PRR5: variants seen among roughly 807,000 people sequenced by gnomAD.
PRR5 encodes proline rich 5.
PRR5 carries 25 observed loss-of-function variants against 30.6 expected under a neutral mutation model. The ratio of observed to expected loss-of-function variants is 0.82; its 90% CI spans 0.60 to 1.14. The LOEUF (loss-of-function observed/expected upper bound fraction) is 1.14. PRR5 is among the 50% of genes most tolerant of loss of function. PRR5 has a pLI of 0.00. For missense variants in PRR5, 600 were observed against 547.1 expected (o/e 1.10, Z -0.96); for synonymous variants, 286 against 247.1 (o/e 1.16, Z -1.48).
chr22:44,714,528 T>C (rs1928754197), intron 1 of PRR5, 63 bp from the exon 2 acceptor site: 3 of 1,597,586 alleles, frequency 1.9e-6, no homozygotes, highest in African/African-American at 1.3e-5. Flanking sequence ...GAATGGGGCC[T>C]GATGGGCAAC....
rs1260316807 is a variant in PRR5 at position 44,737,165 on chromosome 22, G to A, written c.1085G>A (p.Gly362Glu). The A allele has an allele frequency of 6.8e-6, 11 of 1,612,714 alleles. No homozygotes were observed. Among genetic ancestry groups the A allele is most frequent in the Non-Finnish European group, 9.3e-6 (11 of 1,179,964 alleles). The change falls in exon 8 of 8, where the codon GGG becomes GAG. Residue 362 changes from glycine to glutamate, a missense_variant. Coordinates refer to ENST00000336985, the MANE Select transcript of PRR5 (RefSeq NM_181333.4). ...ILESVDSDSE[G>E]IFIDFGRGRG... ...GAGTCCGTGGACTCGGATTCTGAAG[G>A]GATTTTCATTGACTTTGGCCGGGGC...
upstream of PRR5, among the ~76,000 whole-genome samples, chr22:44,673,885 T>A (rs563688900): frequency 5.9e-5 from 9 of 152,020 alleles, no homozygotes; most frequent in East Asian, 1.5e-3. Context: ...GAGAGAGGAG[T>A]AAAATGCTCA....
intron 1 of PRR5, among the ~76,000 whole-genome samples, chr22:44,707,757 A>C (rs1969492110): frequency 6.6e-6 from 1 of 152,134 alleles, no homozygotes; most frequent in Admixed American, 6.5e-5. Context: ...GAGCTCCCCA[A>C]GCCCCACCCC....
At chr22:44,703,053 T>C (rs1342723954) in intron 1 of PRR5, among the ~76,000 whole-genome samples, 1 of 152,108 alleles carries the variant, frequency 6.6e-6, no homozygotes, top group Admixed American at 6.5e-5. Flanking sequence ...CTCTTTAAGC[T>C]CCCTTCGGCT....
intron 7 of PRR5, among the ~76,000 whole-genome samples, chr22:44,736,008 C>CGT (rs1295600313): frequency 2.0e-5 from 3 of 152,322 alleles, no homozygotes; most frequent in African/African-American, 7.2e-5. Context: ...CTGAGCCGCT[C>CGT]GTGTGTGTCG....
upstream of PRR5, among the ~76,000 whole-genome samples, chr22:44,672,935 C>T (rs576773099): frequency 1.5e-4 from 23 of 152,362 alleles, no homozygotes; most frequent in African/African-American, 5.5e-4. Context: ...CACTACACAG[C>T]ATGCGCGAAG....
At chr22:44,734,261 ACT>A (rs942816956) in intron 6 of PRR5, 1 of 151,466 alleles carries the variant, frequency 6.6e-6, no homozygotes, top group African/African-American at 2.4e-5. Flanking sequence ...ACAGAGCGAA[ACT>A]CTGTCTCAAA....
At chr22:44,732,832 TACTAC>T (rs1285443109) in intron 6 of PRR5, among the ~76,000 whole-genome samples, 25 of 31,910 alleles carry the variant, frequency 7.8e-4, no homozygotes, top group South Asian at 4.4e-3. Context: ...TGCACGCACA[TACTAC>T]ACACGTGCAC....
chr22:44,732,696 T>G (rs114484577), intron 6 of PRR5, among the ~76,000 whole-genome samples: 1 of 150,940 alleles, frequency 6.6e-6, no homozygotes, highest in Non-Finnish European at 1.5e-5. Context: ...ACACACATAC[T>G]TGTGCACACG....
intron 6 of PRR5, among the ~76,000 whole-genome samples, chr22:44,732,814 TAC>T (rs1275620642): frequency 7.1e-5 from 9 of 126,272 alleles, no homozygotes; most frequent in African/African-American, 2.8e-4. Flanking sequence ...GCATACACAC[TAC>T]ACGTGTGCAC....
chr22:44,692,749 C>A (rs749890127), intron 1 of PRR5, among the ~76,000 whole-genome samples: 1 of 152,250 alleles, frequency 6.6e-6, no homozygotes, highest in Non-Finnish European at 1.5e-5. Flanking sequence ...GGGAGTCCGT[C>A]CCGCTCTGCC....
intron 1 of PRR5, among the ~76,000 whole-genome samples, chr22:44,712,855 C>T (rs185865695): frequency 1.7e-4 from 26 of 152,062 alleles, no homozygotes; most frequent in African/African-American, 6.0e-4. Flanking sequence ...TGGCCAGCAG[C>T]GGGCACTCAT....
chr22:44,702,041 C>A (rs973009614), upstream of PRR5, among the ~76,000 whole-genome samples: 2 of 151,982 alleles, frequency 1.3e-5, no homozygotes, highest in African/African-American at 2.4e-5. Flanking sequence ...GCAGACCCAG[C>A]GAGGCGTCGT....
At chr22:44,728,238 C>T (rs1333144070) in intron 4 of PRR5, among the ~76,000 whole-genome samples, 1 of 152,232 alleles carries the variant, frequency 6.6e-6, no homozygotes, top group Non-Finnish European at 1.5e-5. Context: ...GCACTGGGCT[C>T]TACGCTGGGA....
chr22:44,689,201 C>A (rs1325462565), intron 1 of PRR5, among the ~76,000 whole-genome samples: 1 of 152,100 alleles, frequency 6.6e-6, no homozygotes, highest in African/African-American at 2.4e-5. Flanking sequence ...AATAACCCTC[C>A]CATTTATTAC....
At chr22:44,670,542 C>A (rs1923364237) in intron 1 of PRR5, among the ~76,000 whole-genome samples, 1 of 152,216 alleles carries the variant, frequency 6.6e-6, no homozygotes, top group African/African-American at 2.4e-5. Flanking sequence ...CCCCACGTCG[C>A]AAGCACACCA....
chr22:44,727,357 C>G (rs1440414177), intron 4 of PRR5, among the ~76,000 whole-genome samples: 1 of 152,206 alleles, frequency 6.6e-6, no homozygotes, highest in Non-Finnish European at 1.5e-5. Flanking sequence ...AGGGGGTCCA[C>G]TCAGTTCCCA....
rs558295511 is a variant in PRR5, at chr22:44,737,055, G to C, written c.975G>C (p.Thr325=). 3.6e-4 allele frequency: 581 copies of C among 1,607,970 alleles called. 4 individuals carry two copies. In the South Asian group the frequency reaches 5.4e-3, roughly 15 times the overall value. Residue 325 remains threonine, a synonymous_variant, in exon 8 of 8, where the codon ACG becomes ACC. Transcript: ENST00000336985. Reference sequence around the variant, plus strand: ...CCTGCCCCAGCAGACTGTACCCCACGACCCAGCCCCCTGAGCAGGGCTTGG... The same window carrying C: ...CCTGCCCCAGCAGACTGTACCCCACCACCCAGCCCCCTGAGCAGGGCTTGG... ...SGPCPSRLYP[T]TQPPEQGLDP...
intron 4 of PRR5, among the ~76,000 whole-genome samples, chr22:44,728,088 T>C (rs1921194933): frequency 6.6e-6 from 1 of 152,110 alleles, no homozygotes; most frequent in African/African-American, 2.4e-5. Context: ...TGAAAGGAGC[T>C]CTGCGTGGGA....
Sources: allele counts gnomAD v4.1 joint callset (sites outside exome capture counted in the v4.1 genomes callset), GRCh38; gene constraint gnomAD v4.1.1; transcripts MANE v1.5; gene names NCBI Gene and HGNC (gene_info 2026-07-23, HGNC 2026-07-21).